Variants in SAMHD1 observed in about 807,000 individuals in gnomAD.
The protein encoded by SAMHD1 is deoxynucleoside triphosphate triphosphohydrolase SAMHD1.
In SAMHD1, 54 loss-of-function variants were observed where a neutral mutation model predicts 79.6. The ratio of observed to expected loss-of-function variants is 0.68; its 90% CI spans 0.55 to 0.85. The LOEUF is 0.85. Among genes scored for constraint, SAMHD1 ranks in the 40% least tolerant of loss-of-function variants. The pLI is 0.00. For missense variants in SAMHD1, 663 were observed against 782.7 expected, an observed-to-expected ratio of 0.85 and a Z score of 1.82; for synonymous variants, 260 against 264.1, an observed-to-expected ratio of 0.98 and a Z score of 0.15.
chr20:36,924,744 T>C (rs2063526546), intron 6 of SAMHD1, among the ~76,000 whole-genome samples: 2 of 152,284 alleles, frequency 1.3e-5, no homozygotes, highest in South Asian at 4.1e-4. Context: ...TCTTTTTTTT[T>C]CTTCCCCAAG....
At chr20:36,910,149 G>T (rs183652035) in intron 11 of SAMHD1, among the ~76,000 whole-genome samples, 37 of 151,864 alleles carry the variant, frequency 2.4e-4, no homozygotes, top group African/African-American at 8.7e-4. Flanking sequence ...TGTGAACCCG[G>T]GAGGCAGAGC....
At chr20:36,908,553 G>C (rs997500321) in intron 11 of SAMHD1, among the ~76,000 whole-genome samples, 3 of 152,210 alleles carry the variant, frequency 2.0e-5, no homozygotes, top group African/African-American at 7.2e-5. Context: ...TTTATCTTTT[G>C]ATTGAATTTA....
chr20:36,908,414 A>G (rs2063417792), intron 11 of SAMHD1, among the ~76,000 whole-genome samples: 1 of 149,358 alleles, frequency 6.7e-6, no homozygotes, highest in African/African-American at 2.5e-5. Flanking sequence ...TAATTTTTAA[A>G]TTTTTTAGAA....
chr20:36,902,181 TTAG>T (rs991244385), intron 13 of SAMHD1, among the ~76,000 whole-genome samples: 5 of 152,074 alleles, frequency 3.3e-5, no homozygotes, highest in African/African-American at 4.8e-5. Flanking sequence ...ATGATGATTA[TTAG>T]TAGTAGTATT....
intron 15 of SAMHD1, chr20:36,897,600 C>T: frequency 1.7e-6 from 1 of 591,690 alleles, no homozygotes; most frequent in Non-Finnish European, 3.0e-6. Flanking sequence ...ATTATTAGGA[C>T]AATAATGCTA....
chr20:36,903,025 C>T (rs2063383868), intron 13 of SAMHD1, among the ~76,000 whole-genome samples: 1 of 152,084 alleles, frequency 6.6e-6, no homozygotes, highest in South Asian at 2.1e-4. Flanking sequence ...AGGCGTGAGC[C>T]ACCTCACTCG....
chr20:36,930,032 C>G (rs1484780822), intron 5 of SAMHD1, among the ~76,000 whole-genome samples: 1 of 147,312 alleles, frequency 6.8e-6, no homozygotes, highest in Non-Finnish European at 1.5e-5. Context: ...CGAGACCTGC[C>G]TGGGCAATAT....
intron 7 of SAMHD1, among the ~76,000 whole-genome samples, chr20:36,918,801 C>CAAAAAAAAAA (rs60403097): frequency 2.6e-4 from 17 of 65,436 alleles, no homozygotes; most frequent in East Asian, 1.0e-3. Flanking sequence ...GACTCTATCT[C>CAAAAAAAAAA]AAAAAAAAAA....
chr20:36,939,253 C>CAAAA (rs57018620), intron 3 of SAMHD1, among the ~76,000 whole-genome samples: 32 of 36,622 alleles, frequency 8.7e-4, no homozygotes, highest in Non-Finnish European at 1.2e-3. Flanking sequence ...GACTCCCTCT[C>CAAAA]AAAAAAAAAA....
chr20:36,899,132 A>T (rs1418786776), intron 13 of SAMHD1, among the ~76,000 whole-genome samples: 1 of 151,644 alleles, frequency 6.6e-6, no homozygotes, highest in East Asian at 1.9e-4. Context: ...ACACAGATAG[A>T]CACTAGAGGT....
intron 2 of SAMHD1, chr20:36,946,491 G>A (rs1343549172): frequency 4.6e-6 from 2 of 436,310 alleles, no homozygotes; most frequent in Non-Finnish European, 8.5e-6. Context: ...GGAGGCTGAG[G>A]CAGGAGAATA....
At chr20:36,945,557 TTGA>T (rs567425601) in intron 2 of SAMHD1, among the ~76,000 whole-genome samples, 11 of 152,186 alleles carry the variant, frequency 7.2e-5, no homozygotes, top group Non-Finnish European at 1.5e-4. Context: ...CACTACAAAC[TTGA>T]TGAAGATTTG....
At chr20:36,942,070 C>G (rs2063648232) in intron 2 of SAMHD1, among the ~76,000 whole-genome samples, 1 of 152,092 alleles carries the variant, frequency 6.6e-6, no homozygotes, top group African/African-American at 2.4e-5. Context: ...CTAAACTAAC[C>G]CCGTGACCAC....
chr20:36,911,238 T>C lies in SAMHD1; in HGVS notation c.1250A>G (p.Glu417Gly), dbSNP rs1725961742. 2.5e-6 allele frequency: 4 copies of C among 1,612,666 alleles called. No individual in the cohort carries two copies. The highest frequency in any genetic ancestry group is 3.4e-6 in the Non-Finnish European group (4 of 1,179,098). Residue 417 changes from glutamate (E) to glycine (G), a missense_variant, in exon 11 of 16, where the codon GAA becomes GGA. Transcript: ENST00000646673. Reference sequence around the variant, plus strand: ...CTTACCTGTCAGCTTAGTATAGGCTTCCATGTCGTCAATTGCTGTAGAAAT... The same window carrying C: ...CTTACCTGTCAGCTTAGTATAGGCTCCCATGTCGTCAATTGCTGTAGAAAT... ...YRISTAIDDM[E>G]AYTKLTDNIF...
intron 13 of SAMHD1, 56 bp downstream of exon 13, chr20:36,904,101 G>T: frequency 1.7e-6 from 2 of 1,157,938 alleles, no homozygotes; most frequent in Non-Finnish European, 2.6e-6. Context: ...TTATAATGGT[G>T]GGTGCTTTAT....
intron 11 of SAMHD1, among the ~76,000 whole-genome samples, chr20:36,907,260 T>G (rs1051700732): frequency 1.3e-5 from 2 of 150,098 alleles, no homozygotes; most frequent in African/African-American, 2.5e-5. Flanking sequence ...CTGGCTAAAT[T>G]TTTTTTTGTT....
intron 11 of SAMHD1, 122 bp downstream of exon 11, chr20:36,911,096 T>C (rs1003468770): frequency 1.6e-6 from 1 of 636,588 alleles, no homozygotes; most frequent in Non-Finnish European, 2.7e-6. Context: ...TTTATTTTTT[T>C]AAAATTAAAT....
intron 3 of SAMHD1, among the ~76,000 whole-genome samples, chr20:36,935,874 A>T (rs1299632639): frequency 1.3e-5 from 2 of 149,424 alleles, no homozygotes; most frequent in African/African-American, 4.9e-5. Flanking sequence ...CCCGGCCTAA[A>T]TTTTTTTTTT....
intron 11 of SAMHD1, among the ~76,000 whole-genome samples, chr20:36,910,730 C>CA (rs397777434): frequency 0.26 from 30,742 of 117,806 alleles, 3,889 homozygotes; most frequent in East Asian, 0.49. Flanking sequence ...ACTCCATCTC[C>CA]AAAAAAAAAA....
Sources: gnomAD v4.1 joint callset for allele counts (sites outside exome capture counted in the v4.1 genomes callset) on GRCh38, gnomAD v4.1.1 for gene constraint, MANE v1.5 for transcripts, NCBI Gene and HGNC (gene_info 2026-07-23, HGNC 2026-07-21) for gene names.